The following TCF4 variants were observed in gnomAD, a reference collection of about 807,000 sequenced individuals.
TCF4 encodes the protein transcription factor 4.
TCF4 carries 3 observed loss-of-function variants against 82.1 expected under a neutral mutation model. The ratio of observed to expected loss-of-function variants is 0.04; its 90% confidence interval spans 0.02 to 0.09. TCF4 has a LOEUF of 0.09. TCF4 is among the 10% of genes least tolerant of loss of function. The pLI is 1.00. For missense variants in TCF4, 518 were observed against 852.7 expected (o/e 0.61, Z 4.89); for synonymous variants, 276 against 309.6 (o/e 0.89, Z 1.14).
At chr18:55,367,193 C>T (rs1034012164) in intron 6 of TCF4, among the ~76,000 whole-genome samples, 7 of 152,146 alleles carry the variant, frequency 4.6e-5, no homozygotes, top group African/African-American at 1.4e-4. Flanking sequence ...TGGTGTAGAC[C>T]AGCTGTGTAC....
chr18:55,237,414 T>G (rs1264596014), intron 15 of TCF4, among the ~76,000 whole-genome samples: 1 of 151,990 alleles, frequency 6.6e-6, no homozygotes, highest in Non-Finnish European at 1.5e-5. Flanking sequence ...TAGATCATCT[T>G]AAATAATATC....
intron 3 of TCF4, among the ~76,000 whole-genome samples, chr18:55,580,177 T>C (rs189692297): frequency 1.3e-5 from 2 of 152,152 alleles, no homozygotes; most frequent in East Asian, 3.9e-4. Flanking sequence ...TTCTGCCTTC[T>C]GAATTTAGAA....
upstream of TCF4, chr18:55,589,171 C>T: frequency 1.5e-6 from 1 of 683,522 alleles, no homozygotes; most frequent in Non-Finnish European, 1.9e-6. Context: ...TGCATGCACA[C>T]ACTTTTTCCC....
chr18:55,504,922 TA>T (rs1244337544), intron 3 of TCF4, among the ~76,000 whole-genome samples: 1 of 152,186 alleles, frequency 6.6e-6, no homozygotes, highest in African/African-American at 2.4e-5. Flanking sequence ...GCAATGGCTT[TA>T]AAACAACATG....
In TCF4 at chr18:55,343,768, TTAAG is replaced by T. The variant is rs1421618161; in HGVS notation, c.549+6587_549+6590del. The stretch of plus-strand genomic sequence containing the variant: ...ATGCTGCTGTTTCCAGATAAAATAA[TTAAG>T]TATTTAAAACTATAAGTTTTGCACC... On this transcript the variant is annotated intron_variant, in intron 8 of 19. Transcript: ENST00000354452. Among the ~76,000 whole-genome samples, 3 of 152,240 alleles carry T rather than the reference TTAAG, an allele frequency of 2.0e-5. No individual in the cohort carries two copies. In the East Asian group the frequency reaches 5.8e-4, roughly 29 times the overall value.
intron 3 of TCF4, among the ~76,000 whole-genome samples, chr18:55,527,995 G>A (rs1034903081): frequency 6.6e-6 from 1 of 152,166 alleles, no homozygotes; most frequent in African/African-American, 2.4e-5. Context: ...GTACCTACTT[G>A]AAGGTAACCT....
At chr18:55,267,749 G>C (rs543565257) in intron 11 of TCF4, 1 of 152,152 alleles carries the variant, frequency 6.6e-6, no homozygotes, top group South Asian at 2.1e-4. Context: ...ATTTTGACAA[G>C]TGCATCCATT....
At chr18:55,451,085 T>G (rs1267091328) in intron 5 of TCF4, among the ~76,000 whole-genome samples, 1 of 152,230 alleles carries the variant, frequency 6.6e-6, no homozygotes, top group Non-Finnish European at 1.5e-5. Flanking sequence ...TTCATTTTGG[T>G]CTTGATGTTT....
chr18:55,382,779 G>A (rs1482011095), intron 6 of TCF4, among the ~76,000 whole-genome samples: 2 of 152,160 alleles, frequency 1.3e-5, no homozygotes, highest in Non-Finnish European at 2.9e-5. Flanking sequence ...CAAGTACAAA[G>A]AATTTCTGTC....
intron 4 of TCF4, among the ~76,000 whole-genome samples, 166 bp downstream of exon 4, chr18:55,463,910 A>G (rs187081284): frequency 2.9e-4 from 44 of 150,956 alleles, no homozygotes; most frequent in African/African-American, 1.0e-3. Flanking sequence ...ATGCACATAT[A>G]TGCGTGTGTG....
intron 3 of TCF4, among the ~76,000 whole-genome samples, chr18:55,560,163 G>GGTTATT (rs1393992739): frequency 6.6e-6 from 1 of 152,178 alleles, no homozygotes; most frequent in Non-Finnish European, 1.5e-5. Flanking sequence ...GGGCTGTACA[G>GGTTATT]ACGATTTCCG....
intron 8 of TCF4, chr18:55,322,081 CT>C (rs1241680003): frequency 2.9e-6 from 3 of 1,036,658 alleles, no homozygotes; most frequent in African/African-American, 4.0e-5. Flanking sequence ...TCACTTTTTT[CT>C]TTTTCTTTTC....
At chr18:55,338,781 T>C (rs954913983) in intron 8 of TCF4, among the ~76,000 whole-genome samples, 2 of 152,170 alleles carry the variant, frequency 1.3e-5, no homozygotes, top group African/African-American at 4.8e-5. Context: ...ATGTGCCTTG[T>C]AATGTTCTAG....
At chr18:55,539,407 T>G (rs554143330) in intron 3 of TCF4, among the ~76,000 whole-genome samples, 4 of 152,268 alleles carry the variant, frequency 2.6e-5, no homozygotes, top group South Asian at 4.1e-4. Flanking sequence ...GAATCTAAAT[T>G]TATACTATTT....
chr18:55,389,965 C>T (rs2092935682), intron 6 of TCF4, among the ~76,000 whole-genome samples: 1 of 152,094 alleles, frequency 6.6e-6, no homozygotes, highest in South Asian at 2.1e-4. Context: ...GGGAGTCAGT[C>T]ATCACACCAA....
chr18:55,336,822 C>A (rs1163806593), intron 8 of TCF4, among the ~76,000 whole-genome samples: 3 of 152,076 alleles, frequency 2.0e-5, no homozygotes, highest in Admixed American at 2.0e-4. Flanking sequence ...AAATTGTAAT[C>A]TTTCATACGA....
At chr18:55,245,202 C>G (rs1022879452) in intron 15 of TCF4, among the ~76,000 whole-genome samples, 24 of 152,084 alleles carry the variant, frequency 1.6e-4, no homozygotes, top group African/African-American at 5.8e-4. Context: ...TACTATGAAC[C>G]CATTTTCAAC....
intron 2 of TCF4, among the ~76,000 whole-genome samples, chr18:55,614,947 A>G (rs1318072162): frequency 6.6e-6 from 1 of 152,138 alleles, no homozygotes; most frequent in African/African-American, 2.4e-5. Context: ...AATCAAAGTT[A>G]TTATTTTTAT....
intron 9 of TCF4, among the ~76,000 whole-genome samples, chr18:55,276,370 A>T (rs2061500376): frequency 6.6e-6 from 1 of 152,174 alleles, no homozygotes; most frequent in Admixed American, 6.5e-5. Flanking sequence ...AACCTTCAGT[A>T]GCAATCCAAA....
Sources: allele counts gnomAD v4.1 joint callset (sites outside exome capture counted in the v4.1 genomes callset), GRCh38; gene constraint gnomAD v4.1.1; transcripts MANE v1.5; gene names NCBI Gene and HGNC (gene_info 2026-07-23, HGNC 2026-07-21).